MSH3: variants seen among roughly 807,000 people sequenced by gnomAD.
The protein encoded by MSH3 is DNA mismatch repair protein Msh3.
A neutral mutation model predicts 123.3 loss-of-function variants in MSH3; 106 were observed. The observed-to-expected ratio is 0.86, with a 90% CI of 0.73 to 1.01. MSH3 has a LOEUF of 1.01. Ranked by LOEUF, MSH3 falls within the 50% of genes least tolerant of loss-of-function variation. The pLI, the probability that MSH3 is intolerant of heterozygous loss-of-function variation, is 0.00. For missense variants in MSH3, 1,459 were observed against 1,347.6 expected (o/e 1.08, Z -1.29); for synonymous variants, 515 against 481.4 (o/e 1.07, Z -0.91).
At chr5:80,869,618 C>A (rs1329633809) in intron 22 of MSH3, among the ~76,000 whole-genome samples, 1 of 151,594 alleles carries the variant, frequency 6.6e-6, no homozygotes, top group African/African-American at 2.4e-5. Flanking sequence ...AAGTGGAGAC[C>A]AGCATATAAT....
chr5:80,822,532 G>A (rs767570383), intron 20 of MSH3, among the ~76,000 whole-genome samples: 3 of 151,978 alleles, frequency 2.0e-5, no homozygotes, highest in Non-Finnish European at 2.9e-5. Context: ...ACTTAGCATC[G>A]GTTTTTGCAC....
intron 19 of MSH3, among the ~76,000 whole-genome samples, chr5:80,809,112 T>G (rs1329249596): frequency 6.6e-6 from 1 of 151,752 alleles, no homozygotes; most frequent in African/African-American, 2.4e-5. Context: ...AATTTATGAT[T>G]TATAAAAATT....
intron 21 of MSH3, among the ~76,000 whole-genome samples, chr5:80,857,536 A>G (rs1461532966): frequency 2.0e-5 from 3 of 152,176 alleles, no homozygotes; most frequent in Admixed American, 1.3e-4. Flanking sequence ...TGGTTTTAGA[A>G]GGCCATTGAC....
chr5:80,751,898 A>T (rs1743846527), intron 12 of MSH3, among the ~76,000 whole-genome samples: 1 of 152,074 alleles, frequency 6.6e-6, no homozygotes, highest in South Asian at 2.1e-4. Context: ...TCTCTTTACT[A>T]GAAACAAGTG....
intron 20 of MSH3, among the ~76,000 whole-genome samples, chr5:80,818,038 G>T (rs1213889049): frequency 6.6e-6 from 1 of 152,086 alleles, no homozygotes; most frequent in Non-Finnish European, 1.5e-5. Flanking sequence ...TGGCCAACGT[G>T]GTGAAACCCG....
intron 8 of MSH3, among the ~76,000 whole-genome samples, chr5:80,696,522 C>T (rs1483149900): frequency 2.0e-5 from 3 of 152,168 alleles, no homozygotes; most frequent in African/African-American, 7.2e-5. Context: ...GCTTTTTCAG[C>T]TCCAAGTCTG....
chr5:80,670,069 A>G (rs1749669163), intron 3 of MSH3, 28 bp from the exon 4 acceptor site: 1 of 1,604,028 alleles, frequency 6.2e-7, no homozygotes, highest in Non-Finnish European at 8.5e-7. Context: ...TAATATTTTT[A>G]AAACTTTATA....
At chr5:80,819,480 A>G (rs1745166611) in intron 20 of MSH3, among the ~76,000 whole-genome samples, 1 of 145,178 alleles carries the variant, frequency 6.9e-6, no homozygotes, top group Non-Finnish European at 1.5e-5. Context: ...ATATATATAT[A>G]ATTTTTTTTT....
chr5:80,867,635 G>T (rs116579312), intron 22 of MSH3, among the ~76,000 whole-genome samples: 55 of 152,220 alleles, frequency 3.6e-4, no homozygotes, highest in Admixed American at 1.3e-3. Context: ...GTTGAATTAG[G>T]CTACTACTAA....
At chr5:80,839,222 G>A (rs955960085) in intron 20 of MSH3, among the ~76,000 whole-genome samples, 2 of 152,066 alleles carry the variant, frequency 1.3e-5, no homozygotes, top group Admixed American at 1.3e-4. Flanking sequence ...CAAAATATTA[G>A]CCAGGTGTGG....
chr5:80,735,484 C>A (rs1433392556), intron 10 of MSH3, among the ~76,000 whole-genome samples: 1 of 151,510 alleles, frequency 6.6e-6, no homozygotes, highest in African/African-American at 2.4e-5. Context: ...ATCAGGAGTC[C>A]GAGACCAGCC....
chr5:80,749,301 G>C (rs996709301), intron 12 of MSH3, among the ~76,000 whole-genome samples: 1 of 152,196 alleles, frequency 6.6e-6, no homozygotes, highest in East Asian at 1.9e-4. Flanking sequence ...AACCACTGGT[G>C]AAGGTCCAAG....
intron 20 of MSH3, among the ~76,000 whole-genome samples, chr5:80,848,760 T>C (rs1305725410): frequency 6.6e-6 from 1 of 152,180 alleles, no homozygotes; most frequent in Admixed American, 6.5e-5. Context: ...GTGGGAATTA[T>C]GGGAGCTAGA....
chr5:80,703,442 TC>T (rs1464637392), intron 8 of MSH3, among the ~76,000 whole-genome samples: 2 of 152,164 alleles, frequency 1.3e-5, no homozygotes, highest in Non-Finnish European at 2.9e-5. Flanking sequence ...GCTTCTGCCT[TC>T]CAGAGAACAG....
intron 7 of MSH3, among the ~76,000 whole-genome samples, chr5:80,676,384 C>A (rs563897510): frequency 9.2e-5 from 14 of 152,308 alleles, no homozygotes; most frequent in African/African-American, 3.1e-4. Flanking sequence ...TGCTCATTTA[C>A]AGACTTACGT....
rs1387020204 is a variant in MSH3, at chr5:80,655,076, G to C, written c.237+112G>C. On this transcript the variant is annotated intron_variant, in intron 1 of 23. Coordinates refer to ENST00000265081, the MANE Select transcript of MSH3 (RefSeq NM_002439.5). Reference sequence around the variant, plus strand: ...CCCGATGATAGGGCTGGAGGAGGAAGGGGCGGGCTGAAGAAGGGGAAGGTG... The same window carrying C: ...CCCGATGATAGGGCTGGAGGAGGAACGGGCGGGCTGAAGAAGGGGAAGGTG... 2.2e-5 allele frequency: 14 copies of C among 628,478 alleles called. 1 individual carries two copies. The highest frequency in any genetic ancestry group is 3.5e-5 in the Non-Finnish European group (14 of 395,510). 38.9% of individuals were successfully genotyped at this position (628,478 alleles called of 1,614,324 possible). A position where few individuals can be genotyped will look rare whatever the true frequency, so the allele number is the denominator to read the frequency against.
chr5:80,732,136 G>C (rs1046690172), intron 10 of MSH3, among the ~76,000 whole-genome samples: 21 of 152,090 alleles, frequency 1.4e-4, no homozygotes, highest in African/African-American at 4.8e-4. Context: ...TTGTTTCAAA[G>C]AAAAATAGTG....
intron 8 of MSH3, among the ~76,000 whole-genome samples, chr5:80,724,953 G>A (rs929478055): frequency 6.6e-6 from 1 of 152,056 alleles, no homozygotes; most frequent in Non-Finnish European, 1.5e-5. Context: ...AGTGGCTCAC[G>A]CCTGTAATCC....
At position 80,680,573 on chromosome 5, in the gene MSH3, GT is replaced by G. The variant is rs547135113; in HGVS notation, c.1340+1493del. Among the ~76,000 whole-genome samples the G allele has an allele frequency of 1.4e-3, 196 of 143,850 alleles. 1 individual carries two copies. The highest frequency in any genetic ancestry group is 3.6e-3 in the Middle Eastern group (1 of 276). The allele number at this position is 143,850 out of a possible 152,430, so 94.4% of individuals were successfully genotyped here. On this transcript the variant is annotated intron_variant, in intron 8 of 23. Transcript: ENST00000265081. ...TGCAAAATCACTTTTCTATTCTGTG[GT>G]TTTTTTTTTTTTAACTTTACAATTC...
Sources: gnomAD v4.1 joint callset for allele counts (sites outside exome capture counted in the v4.1 genomes callset) on GRCh38, gnomAD v4.1.1 for gene constraint, MANE v1.5 for transcripts, NCBI Gene and HGNC (gene_info 2026-07-23, HGNC 2026-07-21) for gene names.